The following AUH variants were observed in gnomAD, a reference collection of about 807,000 sequenced individuals.
AUH encodes AU RNA binding methylglutaconyl-CoA hydratase.
AUH carries 29 observed loss-of-function variants against 42.3 expected under a neutral mutation model. The ratio of observed to expected loss-of-function variants is 0.69; its 90% CI spans 0.51 to 0.93. AUH has a LOEUF of 0.93. Among genes scored for constraint, AUH ranks in the 40% least tolerant of loss-of-function variants. AUH has a pLI of 0.00. For synonymous variants in AUH, 174 were observed against 166.4 expected, an observed-to-expected ratio of 1.05 and a Z score of -0.35; for missense variants, 452 against 438.1, an observed-to-expected ratio of 1.03 and a Z score of -0.28.
At chr9:91,359,189 G>A (rs973735181) in intron 1 of AUH, among the ~76,000 whole-genome samples, 3 of 152,170 alleles carry the variant, frequency 2.0e-5, no homozygotes, top group African/African-American at 7.2e-5. Context: ...CAACTTTGCT[G>A]AGACTTTAAA....
At chr9:91,252,365 A>G (rs1389513725) in intron 6 of AUH, among the ~76,000 whole-genome samples, 2 of 152,034 alleles carry the variant, frequency 1.3e-5, no homozygotes, top group African/African-American at 2.4e-5. Flanking sequence ...TTGGAAAAAA[A>G]GCATAAAACA....
chr9:91,235,517 G>A (rs1392581221), intron 6 of AUH, among the ~76,000 whole-genome samples: 1 of 152,180 alleles, frequency 6.6e-6, no homozygotes, highest in Non-Finnish European at 1.5e-5. Flanking sequence ...GCAGTCATGT[G>A]TGAGACTGGA....
chr9:91,316,519 T>C (rs1829170095), intron 4 of AUH, among the ~76,000 whole-genome samples: 2 of 152,360 alleles, frequency 1.3e-5, no homozygotes, highest in African/African-American at 4.8e-5. Flanking sequence ...TCCTGCCTGG[T>C]AATCCACTTA....
chr9:91,355,001 C>G (rs964808459), intron 3 of AUH, among the ~76,000 whole-genome samples: 1 of 152,162 alleles, frequency 6.6e-6, no homozygotes, highest in Admixed American at 6.5e-5. Context: ...TCACATTTGA[C>G]AAATGTGAAA....
chr9:91,227,501 G>C (rs1490888802), intron 6 of AUH, among the ~76,000 whole-genome samples: 2 of 127,032 alleles, frequency 1.6e-5, no homozygotes, highest in Admixed American at 8.8e-5. Flanking sequence ...TCTGCAAACA[G>C]GGACAATTTG....
At chr9:91,267,578 G>C (rs1156688840) in intron 6 of AUH, among the ~76,000 whole-genome samples, 1 of 152,096 alleles carries the variant, frequency 6.6e-6, no homozygotes, top group Non-Finnish European at 1.5e-5. Context: ...TCCGCAAGTG[G>C]AAAGCAAGTA....
chr9:91,294,640 A>T (rs762124974), intron 6 of AUH: 31 of 451,508 alleles, frequency 6.9e-5, no homozygotes, highest in Non-Finnish European at 1.2e-4. Flanking sequence ...TTAAATTGAA[A>T]ACCTTCTGGA....
chr9:91,291,922 CAAAAAAAAAAAAA>C (rs10592483), intron 6 of AUH, among the ~76,000 whole-genome samples: 2 of 87,434 alleles, frequency 2.3e-5, no homozygotes, highest in Admixed American at 1.3e-4. Context: ...GACTCCGTGT[CAAAAAAAAAAAAA>C]AAAAAAAAAA....
chr9:91,325,436 A>C (rs1829902896), intron 3 of AUH, 32 bp from the exon 4 acceptor site: 2 of 1,583,956 alleles, frequency 1.3e-6, no homozygotes, highest in Admixed American at 3.3e-5. Flanking sequence ...AATATAATCT[A>C]GTTGTAAACA....
intron 6 of AUH, among the ~76,000 whole-genome samples, chr9:91,292,583 C>G (rs778209066): frequency 6.6e-5 from 10 of 151,728 alleles, no homozygotes; most frequent in Non-Finnish European, 1.3e-4. Flanking sequence ...CCAGGCACCT[C>G]TCTTCTTCTT....
chr9:91,348,757 G>A (rs1441936096), intron 3 of AUH, among the ~76,000 whole-genome samples: 1 of 152,152 alleles, frequency 6.6e-6, no homozygotes, highest in Non-Finnish European at 1.5e-5. Flanking sequence ...AAGGGAAGGG[G>A]CTTGACTGCA....
intron 2 of AUH, 35 bp from the exon 3 acceptor site, chr9:91,356,005 G>T: frequency 7.3e-7 from 1 of 1,367,054 alleles, no homozygotes; most frequent in Non-Finnish European, 1.0e-6. Flanking sequence ...AGGAAAAAGA[G>T]AAAAAAAAAA....
chr9:91,347,272 C>T (rs539429192), intron 3 of AUH, among the ~76,000 whole-genome samples: 2 of 151,872 alleles, frequency 1.3e-5, no homozygotes, highest in South Asian at 4.2e-4. Context: ...GCCATGTTAC[C>T]CAGGCTGGTC....
chr9:91,236,053 G>A (rs1332913968), intron 6 of AUH, among the ~76,000 whole-genome samples: 2 of 152,138 alleles, frequency 1.3e-5, no homozygotes, highest in African/African-American at 2.4e-5. Context: ...CCTGTAATTT[G>A]TACCAAGAAC....
chr9:91,231,734 C>T (rs1182917483), intron 6 of AUH, among the ~76,000 whole-genome samples: 3 of 152,178 alleles, frequency 2.0e-5, no homozygotes, highest in East Asian at 3.9e-4. Context: ...CACTGTCCAT[C>T]CCAACAGCTT....
intron 6 of AUH, among the ~76,000 whole-genome samples, chr9:91,248,031 C>T (rs1828894824): frequency 6.6e-6 from 1 of 152,130 alleles, no homozygotes; most frequent in Admixed American, 6.5e-5. Context: ...TCCAGTATTT[C>T]TATTTTTTTC....
intron 6 of AUH, among the ~76,000 whole-genome samples, chr9:91,243,676 T>C (rs1236012161): frequency 6.6e-6 from 1 of 152,240 alleles, no homozygotes; most frequent in Non-Finnish European, 1.5e-5. Flanking sequence ...CCTGAGCCGA[T>C]GTGTCATGTG....
chr9:91,308,972 A>G (rs904479410), intron 4 of AUH, among the ~76,000 whole-genome samples: 2 of 151,754 alleles, frequency 1.3e-5, no homozygotes, highest in African/African-American at 4.8e-5. Flanking sequence ...TTGTACTTTT[A>G]GCAGCGATGG....
chr9:91,233,812 G>T (rs1186976606), intron 6 of AUH, among the ~76,000 whole-genome samples: 1 of 152,166 alleles, frequency 6.6e-6, no homozygotes, highest in Non-Finnish European at 1.5e-5. Flanking sequence ...TTCATGTAAG[G>T]TTGTGGTTTT....
Sources: gnomAD v4.1 joint callset for allele counts (sites outside exome capture counted in the v4.1 genomes callset) on GRCh38, gnomAD v4.1.1 for gene constraint, MANE v1.5 for transcripts, NCBI Gene and HGNC (gene_info 2026-07-23, HGNC 2026-07-21) for gene names.